Variants in SLC9B1 observed in about 807,000 individuals in gnomAD.
The protein encoded by SLC9B1 is sodium/hydrogen exchanger 9B1.
Under a neutral mutation model 51.7 loss-of-function variants are expected in SLC9B1, and 32 were observed. The ratio of observed to expected loss-of-function variants is 0.62; its 90% CI spans 0.47 to 0.83. The LOEUF (loss-of-function observed/expected upper bound fraction) is 0.83, where lower values mean the gene tolerates loss of function less well. Among genes scored for constraint, SLC9B1 ranks in the 40% least tolerant of loss-of-function variants. The probability of loss-of-function intolerance (pLI) is 0.00; values close to 1 mark genes in which losing one functional copy is unlikely to be tolerated. For missense variants in SLC9B1, 406 were observed against 613.2 expected, an observed-to-expected ratio of 0.66 and a Z score of 3.57; for synonymous variants, 145 against 212.7, an observed-to-expected ratio of 0.68 and a Z score of 2.77.
At chr4:103,016,645 G>A (rs577789900) in intron 1 of SLC9B1, 1 of 144,516 alleles carries the variant, frequency 6.9e-6, no homozygotes, top group African/African-American at 2.6e-5. Flanking sequence ...TAATTGAGAT[G>A]GGGTTTCTCC....
intron 1 of SLC9B1, among the ~76,000 whole-genome samples, chr4:103,000,778 T>C (rs1204152831): frequency 2.0e-5 from 3 of 152,198 alleles, no homozygotes; most frequent in South Asian, 2.1e-4. Context: ...ACAGCTGGCA[T>C]TGAGTGTCTG....
At chr4:102,906,718 C>T in intron 9 of SLC9B1, 74 bp from the exon 10 acceptor site, 1 of 915,662 alleles carries the variant, frequency 1.1e-6, no homozygotes, top group East Asian at 2.7e-5. Flanking sequence ...GTCTTCCCCC[C>T]CCTTTTTTTT....
intron 1 of SLC9B1, among the ~76,000 whole-genome samples, chr4:102,994,328 TA>T (rs1348407207): frequency 6.6e-6 from 1 of 152,184 alleles, no homozygotes; most frequent in Admixed American, 6.5e-5. Flanking sequence ...GTCTCTTTGC[TA>T]AAGCATAGCA....
At chr4:102,904,068 T>A (rs1405736683) in intron 11 of SLC9B1, among the ~76,000 whole-genome samples, 1 of 152,092 alleles carries the variant, frequency 6.6e-6, no homozygotes, top group Non-Finnish European at 1.5e-5. Context: ...TTTACTTTTT[T>A]TTTTTTTGGA....
intron 2 of SLC9B1, among the ~76,000 whole-genome samples, chr4:102,990,827 A>G (rs1450695561): frequency 6.6e-6 from 1 of 152,106 alleles, no homozygotes; most frequent in Non-Finnish European, 1.5e-5. Context: ...AGACAGAGAT[A>G]TCAAGGCAGC....
intron 1 of SLC9B1, among the ~76,000 whole-genome samples, chr4:103,000,139 G>A (rs964931404): frequency 2.6e-5 from 4 of 152,128 alleles, no homozygotes; most frequent in African/African-American, 7.2e-5. Context: ...GAAATTACAG[G>A]TCTCTTCCTC....
intron 1 of SLC9B1, among the ~76,000 whole-genome samples, chr4:103,017,334 C>T (rs60098242): frequency 0.012 from 1,864 of 152,306 alleles, 37 homozygotes; most frequent in African/African-American, 0.042. Flanking sequence ...GCAGAACAAA[C>T]CTTTTTACAA....
intron 6 of SLC9B1, among the ~76,000 whole-genome samples, chr4:102,938,528 C>T (rs1453825246): frequency 6.6e-6 from 1 of 152,136 alleles, no homozygotes; most frequent in African/African-American, 2.4e-5. Context: ...ATGGACCTAA[C>T]AGCCATCTAC....
At chr4:102,939,512 C>G (rs1405932328) in intron 6 of SLC9B1, among the ~76,000 whole-genome samples, 3 of 151,158 alleles carry the variant, frequency 2.0e-5, no homozygotes, top group Non-Finnish European at 4.4e-5. Flanking sequence ...TGAAATTATT[C>G]CAAAAAAATG....
chr4:102,894,587 T>G (rs185428653), intron 11 of SLC9B1, among the ~76,000 whole-genome samples: 1 of 152,092 alleles, frequency 6.6e-6, no homozygotes, highest in African/African-American at 2.4e-5. Flanking sequence ...ATAATAAAGG[T>G]AAAATAAATT....
chr4:102,925,546 T>A (rs1457780749), intron 7 of SLC9B1, among the ~76,000 whole-genome samples: 4 of 151,622 alleles, frequency 2.6e-5, no homozygotes, highest in Non-Finnish European at 5.9e-5. Context: ...GAACTTAAAG[T>A]ATAATAACAA....
intron 11 of SLC9B1, among the ~76,000 whole-genome samples, chr4:102,894,738 C>T (rs1483285441): frequency 6.6e-6 from 1 of 152,154 alleles, no homozygotes; most frequent in Non-Finnish European, 1.5e-5. Context: ...AGGAGGACTG[C>T]TTGAGCCCAG....
Position 102,895,620 on chromosome 4 carries a change from A to T in SLC9B1, c.1332+9894T>A, listed in dbSNP as rs1249954182. ...ATGTGTACACATAAGAAAATTTTAA[A>T]CATTAAAATTTTGTTAATAAAACAG... On this transcript the variant is annotated intron_variant, in intron 11 of 11. Coordinates refer to the SLC9B1 transcript ENST00000394789. Among the ~76,000 whole-genome samples, 5 of 152,342 alleles carry T rather than the reference A, an allele frequency of 3.3e-5. No individual in the cohort carries two copies. In the South Asian group the frequency reaches 6.2e-4, roughly 19 times the overall value.
intron 7 of SLC9B1, among the ~76,000 whole-genome samples, chr4:102,915,974 CT>C (rs889806843): frequency 6.6e-6 from 1 of 151,760 alleles, no homozygotes; most frequent in African/African-American, 2.4e-5. Context: ...AAGCATGCCC[CT>C]ACCAAAAAAA....
At chr4:102,996,314 C>T (rs1229102658) in intron 1 of SLC9B1, among the ~76,000 whole-genome samples, 1 of 152,076 alleles carries the variant, frequency 6.6e-6, no homozygotes, top group African/African-American at 2.4e-5. Context: ...ATATAAAGAG[C>T]CAATATCATC....
intron 6 of SLC9B1, among the ~76,000 whole-genome samples, chr4:102,935,321 A>C (rs1410285327): frequency 6.6e-6 from 1 of 152,198 alleles, no homozygotes; most frequent in Non-Finnish European, 1.5e-5. Flanking sequence ...ATGTGAAAAC[A>C]TTATAAAATT....
chr4:102,982,736 T>G (rs1201925073), intron 3 of SLC9B1, among the ~76,000 whole-genome samples: 1 of 152,162 alleles, frequency 6.6e-6, no homozygotes, highest in Admixed American at 6.6e-5. Context: ...ATTAATCTTG[T>G]ACCTGCCATC....
intron 3 of SLC9B1, among the ~76,000 whole-genome samples, chr4:102,955,866 AAAG>A (rs1393698388): frequency 7.4e-6 from 1 of 134,394 alleles, no homozygotes; most frequent in Non-Finnish European, 1.6e-5. Flanking sequence ...AGAAAGAAAG[AAAG>A]AAAGAAAGAA....
chr4:102,890,526 C>T (rs1342949432), intron 11 of SLC9B1: 1 of 152,064 alleles, frequency 6.6e-6, no homozygotes, highest in African/African-American at 2.4e-5. Flanking sequence ...GTTACTAATG[C>T]TTGTACTTTA....
Sources: allele counts gnomAD v4.1 joint callset (sites outside exome capture counted in the v4.1 genomes callset), GRCh38; gene constraint gnomAD v4.1.1; transcripts MANE v1.5; gene names NCBI Gene and HGNC (gene_info 2026-07-23, HGNC 2026-07-21).